Variants in ANKRD55 observed in about 807,000 individuals in gnomAD.
ANKRD55 encodes the protein ankyrin repeat domain 55.
ANKRD55 carries 41 observed loss-of-function variants against 60.6 expected under a neutral mutation model. That is an observed-to-expected ratio of 0.68 (90% CI 0.53 to 0.88). The LOEUF is 0.88. Ranked by LOEUF, ANKRD55 falls within the 40% of genes least tolerant of loss-of-function variation. The probability of loss-of-function intolerance (pLI) is 0.00; values close to 1 mark genes in which losing one functional copy is unlikely to be tolerated. For synonymous variants in ANKRD55, 264 were observed against 290.3 expected, an observed-to-expected ratio of 0.91 and a Z score of 0.92; for missense variants, 732 against 767.6, an observed-to-expected ratio of 0.95 and a Z score of 0.55.
rs1259935458 is a variant in ANKRD55 at position 56,170,789 on chromosome 5, G to A, written c.327C>T (p.Gly109=). 2 of 1,614,112 alleles carry A rather than the reference G, an allele frequency of 1.2e-6. No homozygotes were observed. The highest frequency in any genetic ancestry group is 4.5e-5 in the East Asian group (2 of 44,892). The part of the protein sequence containing the change: ...CLATYLGWLE[G]CVSLLRNGAK... ...CACCGTTTCTGAGTAGACTCACACAGCCTTCAAGCCAGCCCTGAAATACAA... is the reference window on the plus strand; with the variant it reads ...CACCGTTTCTGAGTAGACTCACACAACCTTCAAGCCAGCCCTGAAATACAA... The change falls in exon 5 of 12, where the codon GGC becomes GGT. Residue 109 remains glycine (G), a synonymous_variant. Transcript: ENST00000341048.
At chr5:56,112,286 C>G (rs527728027) in intron 9 of ANKRD55, among the ~76,000 whole-genome samples, 4 of 151,830 alleles carry the variant, frequency 2.6e-5, no homozygotes, top group Non-Finnish European at 4.4e-5. Context: ...AAACCTGGAC[C>G]GAGTGCTGAC....
intron 2 of ANKRD55, among the ~76,000 whole-genome samples, chr5:56,184,946 T>G (rs1581008139): frequency 6.8e-6 from 1 of 147,234 alleles, no homozygotes; most frequent in Admixed American, 6.8e-5. Flanking sequence ...TGGGGCTGGG[T>G]GCAGTGGCTC....
intron 3 of ANKRD55, among the ~76,000 whole-genome samples, chr5:56,180,922 G>A (rs1459120093): frequency 2.0e-5 from 3 of 152,218 alleles, no homozygotes; most frequent in East Asian, 1.9e-4. Context: ...GCTTTTGGCC[G>A]GGCCAGTGGC....
chr5:56,131,750 C>T (rs376409085), intron 7 of ANKRD55, among the ~76,000 whole-genome samples: 7 of 134,904 alleles, frequency 5.2e-5, no homozygotes, highest in African/African-American at 1.1e-4. Flanking sequence ...GAGCCGAGAT[C>T]GCGCCATTGC....
At chr5:56,161,303 A>G (rs549781894) in intron 5 of ANKRD55, among the ~76,000 whole-genome samples, 65 of 152,360 alleles carry the variant, frequency 4.3e-4, no homozygotes, top group African/African-American at 1.5e-3. Context: ...TGCTGAAAGA[A>G]TTAATCAATG....
At chr5:56,104,865 T>TGCA (rs1006958222) in intron 10 of ANKRD55, among the ~76,000 whole-genome samples, 2 of 152,032 alleles carry the variant, frequency 1.3e-5, no homozygotes, top group Admixed American at 1.3e-4. Flanking sequence ...GTGAGGGCAT[T>TGCA]GCAGAGGAAG....
At chr5:56,122,488 T>TAA (rs914873138) in intron 8 of ANKRD55, among the ~76,000 whole-genome samples, 1 of 143,806 alleles carries the variant, frequency 7.0e-6, no homozygotes, top group Admixed American at 7.0e-5. Context: ...CCTAATCTAC[T>TAA]AAAAAAAAAA....
At chr5:56,156,389 G>A (rs1303621873) in intron 6 of ANKRD55, among the ~76,000 whole-genome samples, 1 of 152,192 alleles carries the variant, frequency 6.6e-6, no homozygotes, top group Non-Finnish European at 1.5e-5. Flanking sequence ...TTCTATGTAA[G>A]GTGTTACAAT....
At chr5:56,121,006 G>A (rs1267218258) in intron 8 of ANKRD55, among the ~76,000 whole-genome samples, 5 of 152,048 alleles carry the variant, frequency 3.3e-5, no homozygotes, top group East Asian at 3.9e-4. Context: ...TACTAGGAGC[G>A]AGGGATGGGG....
intron 2 of ANKRD55, among the ~76,000 whole-genome samples, chr5:56,205,362 AG>A (rs1190826743): frequency 6.6e-6 from 1 of 152,184 alleles, no homozygotes; most frequent in East Asian, 1.9e-4. Flanking sequence ...CACCTGGGCT[AG>A]ACTTGTTTTC....
chr5:56,192,401 G>A (rs531441823), intron 2 of ANKRD55: 55 of 184,952 alleles, frequency 3.0e-4, no homozygotes, highest in African/African-American at 1.3e-3. Context: ...GATCTGGGCG[G>A]CAGTTGGCGG....
chr5:56,181,872 G>C (rs910937566), intron 3 of ANKRD55, among the ~76,000 whole-genome samples: 26 of 152,200 alleles, frequency 1.7e-4, no homozygotes, highest in African/African-American at 6.3e-4. Context: ...TGGGATTATA[G>C]GCGTGAGCCA....
intron 6 of ANKRD55, among the ~76,000 whole-genome samples, chr5:56,145,453 C>T (rs1162250390): frequency 6.6e-6 from 1 of 152,222 alleles, no homozygotes; most frequent in Non-Finnish European, 1.5e-5. Context: ...ATGCTGGAAT[C>T]ATGTGATTGA....
intron 3 of ANKRD55, among the ~76,000 whole-genome samples, chr5:56,179,141 T>C (rs1204649683): frequency 6.6e-6 from 1 of 152,060 alleles, no homozygotes; most frequent in Non-Finnish European, 1.5e-5. Flanking sequence ...TAAATGAACA[T>C]TAATAGAGAA....
chr5:56,181,700 G>A (rs993977793), intron 3 of ANKRD55, among the ~76,000 whole-genome samples: 2 of 151,990 alleles, frequency 1.3e-5, no homozygotes, highest in African/African-American at 2.4e-5. Flanking sequence ...AGCAATTCTC[G>A]TGCCTCAGCC....
At chr5:56,199,080 A>AAACAAACAAAC (rs1759298232) in intron 2 of ANKRD55, among the ~76,000 whole-genome samples, 1 of 150,214 alleles carries the variant, frequency 6.7e-6, no homozygotes, top group Non-Finnish European at 1.5e-5. Context: ...ACTCTGTCTC[A>AAACAAACAAAC]AAACAAACAA....
intron 3 of ANKRD55, among the ~76,000 whole-genome samples, chr5:56,180,657 C>T (rs1002916543): frequency 3.9e-5 from 6 of 152,144 alleles, no homozygotes; most frequent in African/African-American, 1.2e-4. Context: ...CATACAAGTT[C>T]TGTACATATT....
At chr5:56,152,815 T>C (rs1397275728) in intron 6 of ANKRD55, among the ~76,000 whole-genome samples, 1 of 151,950 alleles carries the variant, frequency 6.6e-6, no homozygotes, top group Admixed American at 6.6e-5. Context: ...TGAAACCATA[T>C]ATTAAAAAAA....
At chr5:56,219,288 A>AG (rs1282153618) in intron 2 of ANKRD55, among the ~76,000 whole-genome samples, 1 of 150,406 alleles carries the variant, frequency 6.6e-6, no homozygotes, top group Admixed American at 6.6e-5. Flanking sequence ...AAAAAAAAAA[A>AG]AAAAGAAAAA....
Sources: allele counts gnomAD v4.1 joint callset (sites outside exome capture counted in the v4.1 genomes callset), GRCh38; gene constraint gnomAD v4.1.1; transcripts MANE v1.5; gene names NCBI Gene and HGNC (gene_info 2026-07-23, HGNC 2026-07-21).